FRMD5: variants seen among roughly 807,000 people sequenced by gnomAD.
FRMD5 encodes FERM domain-containing protein 5.
FRMD5 carries 20 observed loss-of-function variants against 69.0 expected under a neutral mutation model. That is an observed-to-expected ratio of 0.29 (90% CI 0.20 to 0.42). The LOEUF is 0.42. Among genes scored for constraint, FRMD5 ranks in the 10% least tolerant of loss-of-function variants. The pLI, the probability that FRMD5 is intolerant of heterozygous loss-of-function variation, is 1.00. For missense variants in FRMD5, 595 were observed against 708.6 expected, an observed-to-expected ratio of 0.84 and a Z score of 1.82; for synonymous variants, 271 against 260.1, an observed-to-expected ratio of 1.04 and a Z score of -0.40.
chr15:43,905,456 A>G (rs553238363), intron 6 of FRMD5, among the ~76,000 whole-genome samples: 31 of 151,594 alleles, frequency 2.0e-4, no homozygotes, highest in African/African-American at 7.0e-4. Context: ...CATCTTTTTT[A>G]TCTTATGCAA....
intron 1 of FRMD5, among the ~76,000 whole-genome samples, chr15:44,072,845 C>CA (rs1207827784): frequency 1.3e-5 from 2 of 152,166 alleles, no homozygotes; most frequent in Non-Finnish European, 2.9e-5. Flanking sequence ...AATGAAAGAT[C>CA]AAGGCTGGAC....
chr15:44,066,536 A>C (rs1893318810), intron 1 of FRMD5, among the ~76,000 whole-genome samples: 3 of 152,206 alleles, frequency 2.0e-5, no homozygotes, highest in Admixed American at 6.5e-5. Context: ...ATTACGCAGG[A>C]AACTAGTGGC....
intron 1 of FRMD5, among the ~76,000 whole-genome samples, chr15:43,945,228 G>T (rs1356568330): frequency 6.6e-6 from 1 of 152,172 alleles, no homozygotes; most frequent in Non-Finnish European, 1.5e-5. Context: ...TTATGCTCCA[G>T]TGGCATTAGG....
At chr15:43,902,150 G>C (rs1398197977) in intron 7 of FRMD5, 25 bp downstream of exon 7, 1 of 1,559,562 alleles carries the variant, frequency 6.4e-7, no homozygotes. Flanking sequence ...GAAAGGTCAT[G>C]CAGTCTCCAA....
At chr15:43,954,500 T>C (rs150357131) in intron 1 of FRMD5, among the ~76,000 whole-genome samples, 31 of 152,106 alleles carry the variant, frequency 2.0e-4, no homozygotes, top group African/African-American at 6.5e-4. Flanking sequence ...GTAAGATGAG[T>C]AATAGTGAAG....
intron 1 of FRMD5, among the ~76,000 whole-genome samples, chr15:43,962,951 C>T (rs1595564858): frequency 6.6e-6 from 1 of 152,168 alleles, no homozygotes; most frequent in African/African-American, 2.4e-5. Context: ...ACCATAAAAA[C>T]CCTAGAAGAA....
intron 1 of FRMD5, among the ~76,000 whole-genome samples, chr15:44,100,815 A>G (rs531854931): frequency 6.6e-6 from 1 of 152,312 alleles, no homozygotes; most frequent in Admixed American, 6.5e-5. Flanking sequence ...TCATTAGACT[A>G]AATGGCCTAA....
intron 1 of FRMD5, among the ~76,000 whole-genome samples, chr15:43,960,090 T>A (rs2090172966): frequency 6.6e-6 from 1 of 151,336 alleles, no homozygotes; most frequent in Non-Finnish European, 1.5e-5. Flanking sequence ...GCTAATTTTG[T>A]TTTGTTTTGT....
chr15:44,106,424 C>T (rs1371895841), intron 1 of FRMD5, among the ~76,000 whole-genome samples: 1 of 152,200 alleles, frequency 6.6e-6, no homozygotes, highest in African/African-American at 2.4e-5. Context: ...CATGCAGTAA[C>T]AGAGGCCTGC....
At chr15:44,119,525 C>T (rs746876008) in intron 1 of FRMD5, among the ~76,000 whole-genome samples, 10 of 151,978 alleles carry the variant, frequency 6.6e-5, no homozygotes, top group Non-Finnish European at 1.5e-4. Flanking sequence ...GTTTCTCTGG[C>T]CTTTTGGAAT....
chr15:43,967,520 C>T (rs1009591271), intron 1 of FRMD5, among the ~76,000 whole-genome samples: 7 of 152,024 alleles, frequency 4.6e-5, no homozygotes, highest in African/African-American at 7.2e-5. Flanking sequence ...CATGAGCCAC[C>T]GCACCCAGAC....
At chr15:44,025,303 G>T (rs1891383838) in intron 1 of FRMD5, among the ~76,000 whole-genome samples, 1 of 152,160 alleles carries the variant, frequency 6.6e-6, no homozygotes, top group African/African-American at 2.4e-5. Flanking sequence ...CTAGCTAGGG[G>T]TTAAGAGAGA....
chr15:44,065,412 A>C (rs369652540), intron 1 of FRMD5, among the ~76,000 whole-genome samples: 3 of 152,196 alleles, frequency 2.0e-5, no homozygotes, highest in East Asian at 1.9e-4. Context: ...GAAGAGTATC[A>C]TTTTCCTATT....
intron 1 of FRMD5, among the ~76,000 whole-genome samples, chr15:44,021,048 G>C (rs1489407465): frequency 6.6e-6 from 1 of 152,120 alleles, no homozygotes; most frequent in Non-Finnish European, 1.5e-5. Context: ...CAGCACTTTA[G>C]GAGGCCAAGG....
At chr15:44,035,631 G>T (rs2140297920) in intron 1 of FRMD5, among the ~76,000 whole-genome samples, 1 of 152,248 alleles carries the variant, frequency 6.6e-6, no homozygotes, top group South Asian at 2.1e-4. Flanking sequence ...ATGTTGCTAG[G>T]GTAAAACAGA....
intron 1 of FRMD5, among the ~76,000 whole-genome samples, chr15:44,041,927 G>A (rs1892212231): frequency 6.6e-6 from 1 of 152,010 alleles, no homozygotes; most frequent in African/African-American, 2.4e-5. Context: ...AAATAACTAA[G>A]ATCAGAGCAG....
At chr15:44,174,006 T>C (rs184641452) in intron 1 of FRMD5, among the ~76,000 whole-genome samples, 165 of 152,252 alleles carry the variant, frequency 1.1e-3, no homozygotes, top group Non-Finnish European at 1.7e-3. Flanking sequence ...CAAGGTCATA[T>C]AGGTAGTATG....
intron 1 of FRMD5, among the ~76,000 whole-genome samples, chr15:44,103,123 G>A (rs1327574039): frequency 6.6e-6 from 1 of 152,176 alleles, no homozygotes; most frequent in Admixed American, 6.5e-5. Context: ...TACATTGGAT[G>A]CATTGTCCTC....
chr15:43,977,832 G>C (rs2090487176), intron 1 of FRMD5, among the ~76,000 whole-genome samples: 1 of 152,062 alleles, frequency 6.6e-6, no homozygotes, highest in Admixed American at 6.6e-5. Flanking sequence ...TGCGATTTTG[G>C]AGTACTAACT....
Sources: gnomAD v4.1 joint callset for allele counts (sites outside exome capture counted in the v4.1 genomes callset) on GRCh38, gnomAD v4.1.1 for gene constraint, MANE v1.5 for transcripts, NCBI Gene and HGNC (gene_info 2026-07-23, HGNC 2026-07-21) for gene names.